The following KRT28 variants were observed in gnomAD, a reference collection of about 807,000 sequenced individuals.
KRT28 encodes keratin 28, also known as keratin, type I cytoskeletal 28.
In KRT28, 45 loss-of-function variants were observed where a neutral mutation model predicts 48.1. That is an observed-to-expected ratio of 0.94 (90% CI 0.74 to 1.20). The LOEUF (loss-of-function observed/expected upper bound fraction) is 1.20. Ranked by LOEUF, KRT28 falls within the 50% of genes most tolerant of loss-of-function variation. KRT28 has a pLI of 0.00. For missense variants in KRT28, 571 were observed against 574.1 expected, an observed-to-expected ratio of 0.99 and a Z score of 0.06; for synonymous variants, 228 against 227.4, an observed-to-expected ratio of 1.00 and a Z score of -0.03.
intron 1 of KRT28, among the ~76,000 whole-genome samples, 178 bp from the exon 2 acceptor site, chr17:40,799,177 A>C (rs972789763): frequency 6.6e-6 from 1 of 152,204 alleles, no homozygotes; most frequent in African/African-American, 2.4e-5. Flanking sequence ...ATTTATTCTC[A>C]TATATTCCCC....
chr17:40,797,036 G>C lies in KRT28; in HGVS notation c.858C>G (p.Ala286=), dbSNP rs755187362. 2 of 1,611,776 alleles carry C rather than the reference G, an allele frequency of 1.2e-6. No homozygotes were observed. The highest frequency in any genetic ancestry group is 2.2e-5 in the South Asian group (2 of 90,806). The change falls in exon 5 of 8, where the codon GCC becomes GCG. Residue 286 remains alanine, a synonymous_variant. Transcript: ENST00000306658. The stretch of plus-strand genomic sequence containing the variant: ...CGTGGGAGATCTGTTGCTGCAGCGA[G>C]GCGCTCTGTAGGGCCGGGAAAAAGG... ...DAEAWFNEKS[A]SLQQQISHDS...
At chr17:40,798,486 T>C (rs1904673857) in intron 2 of KRT28, 95 bp from the exon 3 acceptor site, 1 of 1,338,334 alleles carries the variant, frequency 7.5e-7, no homozygotes, top group African/African-American at 1.5e-5. Context: ...AAATTAGAAA[T>C]TGAATTAGGA....
At chr17:40,797,929 A>C (rs1354083727) in intron 3 of KRT28, among the ~76,000 whole-genome samples, 2 of 152,216 alleles carry the variant, frequency 1.3e-5, no homozygotes, top group African/African-American at 4.8e-5. Context: ...GGTTGATGGG[A>C]ATAGAACAGT....
rs770568189 is a variant in KRT28 at position 40,796,987 on chromosome 17, G to C, written c.907C>G (p.Arg303Gly). ...CGCCTCATCTCGGTGAGCTGGCTCC[G>C]GGCGAAAGTGGCTGCGCCTGAGTCG... Reference protein sequence around the residue: ...SHDSGAATFARSQLTEMRRTL... With the variant: ...SHDSGAATFAGSQLTEMRRTL... Residue 303 changes from arginine to glycine, a missense_variant, in exon 5 of 8, where the codon CGG becomes GGG. Coordinates refer to ENST00000306658, the MANE Select transcript of KRT28 (RefSeq NM_181535.3). 2 of 1,612,686 alleles carry C rather than the reference G, an allele frequency of 1.2e-6. No homozygotes were observed. The highest frequency in any genetic ancestry group is 1.7e-6 in the Non-Finnish European group (2 of 1,179,674).
Position 40,797,121 on chromosome 17 carries a change from T to C in KRT28, c.851A>G (p.Lys284Arg), listed in dbSNP as rs778127353. Residue 284 changes from lysine (K) to arginine (R), a missense_variant and splice_region_variant, in exon 4 of 8, where the codon AAG becomes AGG. Lys to Arg is a conservative substitution (Grantham distance 26). Coordinates refer to ENST00000306658, the MANE Select transcript of KRT28 (RefSeq NM_181535.3). ...RKDAEAWFNE[K>R]SASLQQQISH... ...GCAGGGAGACGGGGCCCACCTCACCTTCTCATTGAACCAGGCCTCCGCGTC... is the reference window on the plus strand; with the variant it reads ...GCAGGGAGACGGGGCCCACCTCACCCTCTCATTGAACCAGGCCTCCGCGTC... 5 of 1,613,540 alleles carry C rather than the reference T, an allele frequency of 3.1e-6. No homozygotes were observed. The highest frequency in any genetic ancestry group is 2.7e-5 in the African/African-American group (2 of 74,890).
At chr17:40,795,751 C>G (rs1904598219) in intron 5 of KRT28, among the ~76,000 whole-genome samples, 1 of 152,206 alleles carries the variant, frequency 6.6e-6, no homozygotes, top group Non-Finnish European at 1.5e-5. Context: ...AAAATGCTCA[C>G]AATTCTGGTC....
chr17:40,792,520 T>C lies in KRT28; in HGVS notation c.1302A>G (p.Gln434=). 1 of 1,613,478 alleles carries C rather than the reference T, an allele frequency of 6.2e-7. No individual in the cohort carries two copies. Among genetic ancestry groups the C allele is most frequent in the African/African-American group, 1.3e-5 (1 of 75,044 alleles). The stretch of plus-strand genomic sequence containing the variant: ...TCCTTGATGAAAGAACTTTACCACG[T>C]TGATCTAGCTCTTCAACCACTGTCT... ...LVKTVVEELD[Q]RGKVLSSRIH... is the part of the protein sequence containing the mutation. Residue 434 remains glutamine, a synonymous_variant, in exon 8 of 8, where the codon CAA becomes CAG. Coordinates refer to ENST00000306658, the MANE Select transcript of KRT28 (RefSeq NM_181535.3).
intron 2 of KRT28, 121 bp downstream of exon 2, chr17:40,798,796 T>G: frequency 1.5e-6 from 1 of 670,670 alleles, no homozygotes; most frequent in Non-Finnish European, 2.6e-6. Flanking sequence ...ATACAAATCC[T>G]TTGCTTCCTT....
Position 40,793,072 on chromosome 17 carries a change from C to A in KRT28, c.1252+83G>T, listed in dbSNP as rs910558379. On this transcript the variant is annotated intron_variant, in intron 7 of 7. Transcript: ENST00000306658. ...CCGAGATAGCACCATTGCATTCCAG[C>A]CTGGGCAACAGAGCGAGACTCTGTC... The A allele has an allele frequency of 2.7e-5, 24 of 875,480 alleles. No homozygotes were observed. In the African/African-American group the frequency reaches 4.1e-4, roughly 15 times the overall value. 54.2% of individuals were successfully genotyped at this position (875,480 alleles called of 1,614,324 possible).
Position 40,799,958 on chromosome 17 carries a change from A to C in KRT28, c.-65T>G. 4.4e-5 allele frequency: 55 copies of C among 1,244,170 alleles called. No homozygotes were observed. Among genetic ancestry groups the C allele is most frequent in the Non-Finnish European group, 5.2e-5 (46 of 884,542 alleles). The allele number at this position is 1,244,170 out of a possible 1,614,324, so 77.1% of individuals were successfully genotyped here. The stretch of plus-strand genomic sequence containing the variant: ...TAATGTCCCAAGAGAACAGAATATC[A>C]TGCACTGATAATTTCTTTGGGTTTT... On this transcript the variant is annotated 5_prime_UTR_variant, in exon 1 of 8. The change abolishes an upstream ATG in the 5' untranslated region. Transcript: ENST00000306658.
chr17:40,797,287 G>C lies in KRT28; in HGVS notation c.691-6C>G. 1 of 1,612,046 alleles carries C rather than the reference G, an allele frequency of 6.2e-7. No individual in the cohort carries two copies. Among genetic ancestry groups the C allele is most frequent in the Non-Finnish European group, 8.5e-7 (1 of 1,178,850 alleles). On this transcript the variant is annotated splice_region_variant and splice_polypyrimidine_tract_variant and intron_variant, in intron 3 of 7. Transcript: ENST00000306658. ...CACTGCAGAGCCTTCATCTCCTGGA[G>C]AGAAGCAAGAGTGTGGCTTTAGGGG...
intron 5 of KRT28, among the ~76,000 whole-genome samples, chr17:40,795,533 G>C (rs1199019762): frequency 6.6e-6 from 1 of 152,188 alleles, no homozygotes; most frequent in East Asian, 1.9e-4. Flanking sequence ...AATGACTTGT[G>C]TTCTAACTCT....
chr17:40,793,151 T>C lies in KRT28; in HGVS notation c.1252+4A>G. 1.3e-6 allele frequency: 2 copies of C among 1,541,150 alleles called. No individual in the cohort carries two copies. Among genetic ancestry groups the C allele is most frequent in the South Asian group, 1.2e-5 (1 of 82,564 alleles). Reference sequence around the variant, plus strand: ...AGAAAAGAAATAGAACTAGATTTTATTACCTTTAGATGAATTCCCAGGGCT... The same window carrying C: ...AGAAAAGAAATAGAACTAGATTTTACTACCTTTAGATGAATTCCCAGGGCT... On this transcript the variant is annotated splice_donor_region_variant and intron_variant, in intron 7 of 7. Coordinates refer to ENST00000306658, the MANE Select transcript of KRT28 (RefSeq NM_181535.3).
chr17:40,798,095 T>G, intron 3 of KRT28, 140 bp downstream of exon 3: 4 of 710,696 alleles, frequency 5.6e-6, no homozygotes, highest in Non-Finnish European at 9.3e-6. Context: ...GTAGGTAGTA[T>G]TATTAGACTA....
chr17:40,797,357 C>T lies in KRT28; in HGVS notation c.691-76G>A, dbSNP rs538305562. 3,594 of 1,427,012 alleles carry T rather than the reference C, an allele frequency of 2.5e-3. 8 individuals are homozygous for T. Among genetic ancestry groups the T allele is most frequent in the Non-Finnish European group, 2.5e-3 (2,588 of 1,045,184 alleles). 88.4% of individuals were successfully genotyped at this position (1,427,012 alleles called of 1,614,324 possible). A position where few individuals can be genotyped will look rare whatever the true frequency, so the allele number is the denominator to read the frequency against. On this transcript the variant is annotated intron_variant, in intron 3 of 7. Coordinates refer to ENST00000306658, the MANE Select transcript of KRT28 (RefSeq NM_181535.3). ...GTCTGAGAAGTTCTCAAACGTGTTA[C>T]TTTATGTCTCAAAGTTTGCGGTCAG...
chr17:40,794,995 C>T (rs541309771), intron 5 of KRT28, among the ~76,000 whole-genome samples: 10 of 152,206 alleles, frequency 6.6e-5, no homozygotes, highest in East Asian at 1.9e-4. Context: ...AAATACTTGC[C>T]TTTTTATTGC....
chr17:40,793,837 T>C lies in KRT28; in HGVS notation c.1188A>G (p.Gly396=), dbSNP rs917211108. ...EIETYCRLID[G]DGNSCSKSKG... Reference sequence around the variant, plus strand: ...CAAATGGCTTTACTTACTTTCCATCTCCATCTATCAGGCGGCAGTAGGTCT... The same window carrying C: ...CAAATGGCTTTACTTACTTTCCATCCCCATCTATCAGGCGGCAGTAGGTCT... The change falls in exon 6 of 8, where the codon GGA becomes GGG. Residue 396 remains glycine (G), a synonymous_variant. Transcript: ENST00000306658. 2 of 1,613,862 alleles carry C rather than the reference T, an allele frequency of 1.2e-6. No individual in the cohort carries two copies. The highest frequency in any genetic ancestry group is 2.7e-5 in the African/African-American group (2 of 74,926).
intron 2 of KRT28, 103 bp from the exon 3 acceptor site, chr17:40,798,494 G>A (rs901683167): frequency 2.4e-6 from 3 of 1,260,058 alleles, no homozygotes; most frequent in African/African-American, 3.0e-5. Context: ...AATTGAATTA[G>A]GACTGTAAAT....
chr17:40,793,197 A>G lies in KRT28; in HGVS notation c.1210T>C (p.Ser404Pro). 1 of 1,562,364 alleles carries G rather than the reference A, an allele frequency of 6.4e-7. No individual in the cohort carries two copies. The highest frequency in any genetic ancestry group is 2.3e-5 in the East Asian group (1 of 43,014). ...IDGDGNSCSK[S>P]KGFGSGSPGN... ...GGGCTTCCTGATCCAAAGCCCTTTG[A>G]TTTGGAGCATGAACTGTAAAAGAAA... Residue 404 changes from serine to proline, a missense_variant, in exon 7 of 8, where the codon TCA becomes CCA. Transcript: ENST00000306658.
Sources: gnomAD v4.1 joint callset for allele counts (sites outside exome capture counted in the v4.1 genomes callset) on GRCh38, gnomAD v4.1.1 for gene constraint, MANE v1.5 for transcripts, NCBI Gene and HGNC (gene_info 2026-07-23, HGNC 2026-07-21) for gene names.